CIMAP1A: variants seen among roughly 807,000 people sequenced by gnomAD.
CIMAP1A encodes the protein cancer/testis antigen 135.
the CIMAP1A span, chr11:200,092 G>A: frequency 6.3e-6 from 10 of 1,578,320 alleles, no homozygotes; most frequent in South Asian, 2.2e-5. Flanking sequence ...CCGGGCCACA[G>A]AGCTCGAGGC....
the CIMAP1A span, chr11:199,978 C>A: frequency 2.2e-5 from 36 of 1,614,144 alleles, no homozygotes; most frequent in Non-Finnish European, 3.1e-5. Context: ...CCAGTTGTCA[C>A]CTTCGGCATC....
the CIMAP1A span, chr11:199,750 CAG>C: frequency 2.8e-6 from 4 of 1,436,274 alleles, no homozygotes; most frequent in Non-Finnish European, 3.6e-6. Context: ...GACATGGAAG[CAG>C]AGACCCTGCC....
the CIMAP1A span, chr11:199,063 C>T: frequency 1.6e-6 from 2 of 1,254,414 alleles, no homozygotes; most frequent in Non-Finnish European, 2.0e-6. Context: ...AGCCCCAGGC[C>T]CTCAGGTCCA....
the CIMAP1A span, chr11:200,018 G>A: frequency 1.2e-6 from 2 of 1,614,022 alleles, no homozygotes; most frequent in Non-Finnish European, 1.7e-6. Flanking sequence ...CTCCCCTGCT[G>A]GTTGATGTGG....
the CIMAP1A span, chr11:197,246 G>A: frequency 1.7e-5 from 21 of 1,265,084 alleles, no homozygotes; most frequent in Non-Finnish European, 2.2e-5. Context: ...GGGCCGGCAT[G>A]GGACAGGGCC....
the CIMAP1A span, chr11:197,243 C>T: frequency 1.3e-5 from 16 of 1,221,878 alleles, no homozygotes; most frequent in South Asian, 2.2e-4. Context: ...CAGGGGCCGG[C>T]ATGGGACAGG....
the CIMAP1A span, chr11:198,671 T>C: frequency 6.5e-7 from 1 of 1,530,018 alleles, no homozygotes; most frequent in Non-Finnish European, 8.8e-7. Flanking sequence ...AGTTCGGCCC[T>C]GCCTTGCCAA....
chr11:197,352 G>A, the CIMAP1A span: 1 of 1,596,958 alleles, frequency 6.3e-7, no homozygotes, highest in Admixed American at 1.7e-5. Flanking sequence ...ATCGCCCCCG[G>A]GGACCCATCA....
chr11:199,671 G>GA, the CIMAP1A span: 1 of 760,596 alleles, frequency 1.3e-6, no homozygotes, highest in Admixed American at 3.7e-5. Flanking sequence ...GTGGGGTGGG[G>GA]ATGGGAGGCA....
chr11:198,478 A>G, the CIMAP1A span: 5 of 1,613,116 alleles, frequency 3.1e-6, no homozygotes, highest in African/African-American at 1.3e-5. Context: ...CGCTGCGTAC[A>G]TGCTGCCCAT....
chr11:200,089 A>G, the CIMAP1A span: 1 of 1,581,968 alleles, frequency 6.3e-7, no homozygotes, highest in South Asian at 1.1e-5. Flanking sequence ...CCGCCGGGCC[A>G]CAGAGCTCGA....
chr11:199,869 C>A, the CIMAP1A span: 1 of 1,570,230 alleles, frequency 6.4e-7, no homozygotes. Flanking sequence ...GGACAGCAGC[C>A]CAGCCCCAGC....
the CIMAP1A span, chr11:198,123 G>A: frequency 1.3e-6 from 2 of 1,564,198 alleles, no homozygotes; most frequent in African/African-American, 2.7e-5. Context: ...GAATGTTGGG[G>A]AGTCCTCCTT....
chr11:199,243 G>C, the CIMAP1A span: 1 of 1,484,096 alleles, frequency 6.7e-7, no homozygotes, highest in Non-Finnish European at 9.0e-7. Flanking sequence ...GACAGAAGGG[G>C]ACCTTGATGC....
chr11:199,539 A>G, the CIMAP1A span: 1 of 1,456,514 alleles, frequency 6.9e-7, no homozygotes, highest in Non-Finnish European at 9.2e-7. Flanking sequence ...CAGAGGGGTC[A>G]GGGTGGGGCA....
At chr11:199,153 G>A in the CIMAP1A span, 123,601 of 1,408,988 alleles carry the variant, frequency 0.088, 5,988 homozygotes, top group Middle Eastern at 0.11. Context: ...CATTGCCAGC[G>A]TGAGGCTGAA....
At chr11:197,771 CCT>C in the CIMAP1A span, 1 of 1,612,650 alleles carries the variant, frequency 6.2e-7, no homozygotes. Context: ...GGTTAGTGAC[CCT>C]GTCTCAGGCT....
the CIMAP1A span, chr11:199,163 A>C: frequency 1.4e-6 from 2 of 1,417,450 alleles, no homozygotes; most frequent in Non-Finnish European, 1.8e-6. Flanking sequence ...GTGAGGCTGA[A>C]ATGGAGGAAG....
At chr11:198,056 C>G in the CIMAP1A span, 1 of 1,543,306 alleles carries the variant, frequency 6.5e-7, no homozygotes, top group Non-Finnish European at 8.7e-7. Flanking sequence ...CCATCCTGGA[C>G]ACCCCCTGAC....
Sources: gnomAD v4.1 joint callset for allele counts on GRCh38, gnomAD v4.1.1 for gene constraint, MANE v1.5 for transcripts, NCBI Gene and HGNC (gene_info 2026-07-23, HGNC 2026-07-21) for gene names.